Variants in PPFIBP2 observed in about 807,000 individuals in gnomAD.
PPFIBP2 encodes liprin-beta-2.
PPFIBP2 carries 118 observed loss-of-function variants against 118.3 expected under a neutral mutation model. That is an observed-to-expected ratio of 1.00 (90% CI 0.86 to 1.16). PPFIBP2 has a LOEUF of 1.16. PPFIBP2 is among the 50% of genes most tolerant of loss of function. The pLI, the probability that PPFIBP2 is intolerant of heterozygous loss-of-function variation, is 0.00. For missense variants in PPFIBP2, 1,195 were observed against 1,073.1 expected (o/e 1.11, Z -1.59); for synonymous variants, 414 against 397.4 (o/e 1.04, Z -0.50).
chr11:7,516,057 C>T lies in PPFIBP2; in HGVS notation c.-37+1936C>T, dbSNP rs143658498. Reference sequence around the variant, plus strand: ...TTAGAGTAGCAGTTTGCAAACCTGGCTATGCCTCATAATCGCCTGGGGAGT... The same window carrying T: ...TTAGAGTAGCAGTTTGCAAACCTGGTTATGCCTCATAATCGCCTGGGGAGT... On this transcript the variant is annotated intron_variant, in intron 1 of 23. Coordinates refer to ENST00000299492, the MANE Select transcript of PPFIBP2 (RefSeq NM_003621.5). Among the ~76,000 whole-genome samples, 714 of 152,332 alleles carry T rather than the reference C, an allele frequency of 4.7e-3. 4 individuals carry two copies. The highest frequency in any genetic ancestry group is 0.031 in the Middle Eastern group (9 of 294).
the PPFIBP2 span, among the ~76,000 whole-genome samples, chr11:7,663,406 T>A: frequency 1.3e-4 from 20 of 151,812 alleles, no homozygotes; most frequent in South Asian, 8.3e-4. Context: ...AATACCCTGC[T>A]GTGTGAGGTG....
At position 7,601,872 on chromosome 11, in the gene PPFIBP2, T is replaced by A. The variant is rs528258576; in HGVS notation, c.486+4199T>A. ...ACTTTGGGAGGCCGAGGTGGATGGA[T>A]AACCCGAGGTCAGGAGTTCGAGAAC... On this transcript the variant is annotated intron_variant, in intron 5 of 23. Transcript: ENST00000299492. Among the ~76,000 whole-genome samples, 6 of 151,972 alleles carry A rather than the reference T, an allele frequency of 3.9e-5. No individual in the cohort carries two copies. In the South Asian group the frequency reaches 1.3e-3, roughly 32 times the overall value.
intron 6 of PPFIBP2, among the ~76,000 whole-genome samples, chr11:7,617,880 CTCTA>C (rs1848857008): frequency 6.6e-6 from 1 of 151,808 alleles, no homozygotes; most frequent in South Asian, 2.1e-4. Flanking sequence ...CCATGTGGGG[CTCTA>C]TCTGACTGGG....
chr11:7,555,379 A>G (rs1322384777), intron 2 of PPFIBP2, among the ~76,000 whole-genome samples: 1 of 152,204 alleles, frequency 6.6e-6, no homozygotes, highest in Non-Finnish European at 1.5e-5. Flanking sequence ...GTTTGTAAAA[A>G]GAAAACAACA....
At chr11:7,627,454 C>CTT (rs60052463) in intron 8 of PPFIBP2, among the ~76,000 whole-genome samples, 24 of 147,592 alleles carry the variant, frequency 1.6e-4, no homozygotes, top group African/African-American at 4.7e-4. Context: ...TTCCCTTGTA[C>CTT]TTTTTTTTTT....
At chr11:7,628,436 A>C in intron 9 of PPFIBP2, 90 bp downstream of exon 9, 1 of 1,211,928 alleles carries the variant, frequency 8.3e-7, no homozygotes, top group South Asian at 1.4e-5. Flanking sequence ...TCTGGACAGG[A>C]CCATGCTTAT....
intron 3 of PPFIBP2, among the ~76,000 whole-genome samples, chr11:7,585,203 G>A (rs1036635968): frequency 2.0e-5 from 3 of 152,176 alleles, no homozygotes; most frequent in Admixed American, 6.5e-5. Flanking sequence ...TGAAGGAAAT[G>A]TAACTCTTTA....
chr11:7,555,867 G>A (rs746217238), intron 2 of PPFIBP2, among the ~76,000 whole-genome samples: 2 of 152,206 alleles, frequency 1.3e-5, no homozygotes, highest in Non-Finnish European at 2.9e-5. Context: ...TGTAGGTATA[G>A]GAACTGAGCT....
Position 7,611,391 on chromosome 11 carries a change from C to T in PPFIBP2, c.618+969C>T, listed in dbSNP as rs547308352. On this transcript the variant is annotated intron_variant, in intron 6 of 23. Coordinates refer to ENST00000299492, the MANE Select transcript of PPFIBP2 (RefSeq NM_003621.5). Reference sequence around the variant, plus strand: ...GGATATTGTTCCCTTCTGATAAGTGCCAGCATTAGTGCATACTGACATCTG... The same window carrying T: ...GGATATTGTTCCCTTCTGATAAGTGTCAGCATTAGTGCATACTGACATCTG... Among the ~76,000 whole-genome samples, 18 of 152,336 alleles carry T rather than the reference C, an allele frequency of 1.2e-4. No homozygotes were observed. In the South Asian group the frequency reaches 3.7e-3, roughly 32 times the overall value.
intron 6 of PPFIBP2, among the ~76,000 whole-genome samples, chr11:7,615,187 A>G (rs1464156121): frequency 2.0e-5 from 3 of 152,134 alleles, no homozygotes; most frequent in Non-Finnish European, 4.4e-5. Context: ...ACATACAAAA[A>G]TTAGCCAGGC....
chr11:7,525,507 C>CA, intron 1 of PPFIBP2, among the ~76,000 whole-genome samples: 1 of 152,110 alleles, frequency 6.6e-6, no homozygotes, highest in East Asian at 1.9e-4. Context: ...CCAGGTATGA[C>CA]ACAGAAAGGG....
chr11:7,601,586 C>A (rs914602179), intron 5 of PPFIBP2, among the ~76,000 whole-genome samples: 1 of 152,126 alleles, frequency 6.6e-6, no homozygotes, highest in Non-Finnish European at 1.5e-5. Flanking sequence ...TCAGGACTGC[C>A]TATGGAAGCA....
In PPFIBP2 at chr11:7,610,275, C is replaced by T. The variant is rs760984046; in HGVS notation, c.487-16C>T. 1.9e-6 allele frequency: 3 copies of T among 1,612,154 alleles called. No individual in the cohort carries two copies. Among genetic ancestry groups the T allele is most frequent in the Non-Finnish European group, 2.5e-6 (3 of 1,178,218 alleles). On this transcript the variant is annotated splice_polypyrimidine_tract_variant and intron_variant, in intron 5 of 23. Coordinates refer to ENST00000299492, the MANE Select transcript of PPFIBP2 (RefSeq NM_003621.5). Reference sequence around the variant, plus strand: ...CCATAGTGGTTTCTGATTTCGAGATCTGTTTTTGCTTGCAGGAGCTGCTAA... The same window carrying T: ...CCATAGTGGTTTCTGATTTCGAGATTTGTTTTTGCTTGCAGGAGCTGCTAA...
At chr11:7,632,721 C>A in intron 11 of PPFIBP2, 146 bp from the exon 12 acceptor site, 2 of 620,648 alleles carry the variant, frequency 3.2e-6, no homozygotes, top group South Asian at 3.5e-5. Flanking sequence ...CTTGAAAGAG[C>A]AAGGCATCTA....
intron 19 of PPFIBP2, 64 bp downstream of exon 19, chr11:7,648,975 C>T: frequency 6.8e-7 from 1 of 1,462,144 alleles, no homozygotes; most frequent in Non-Finnish European, 9.6e-7. Flanking sequence ...AAAGAATTTT[C>T]CTGTTAAATG....
intron 6 of PPFIBP2, 106 bp downstream of exon 6, chr11:7,610,528 A>C: frequency 6.9e-7 from 1 of 1,452,384 alleles, no homozygotes; most frequent in South Asian, 1.2e-5. Context: ...TGGGTGCCAG[A>C]AATATCTATA....
chr11:7,656,066 T>C (rs1854656963), downstream of PPFIBP2, among the ~76,000 whole-genome samples: 1 of 152,220 alleles, frequency 6.6e-6, no homozygotes, highest in Non-Finnish European at 1.5e-5. Context: ...TCACTAGCTC[T>C]GTGACCTTGG....
chr11:7,547,954 C>T (rs1170904027), intron 1 of PPFIBP2, among the ~76,000 whole-genome samples: 1 of 152,124 alleles, frequency 6.6e-6, no homozygotes, highest in Non-Finnish European at 1.5e-5. Context: ...CCTGCACCTA[C>T]CTATTTTTGT....
In PPFIBP2 at chr11:7,648,493, T is replaced by C; in HGVS notation, c.1753T>C (p.Ser585Pro). The C allele has an allele frequency of 6.2e-7, 1 of 1,614,098 alleles. No homozygotes were observed. Among genetic ancestry groups the C allele is most frequent in the Non-Finnish European group, 8.5e-7 (1 of 1,180,028 alleles). Residue 585 changes from serine to proline, a missense_variant, in exon 18 of 24, where the codon TCT becomes CCT. By Grantham distance (74) the Ser-to-Pro change is moderately conservative (BLOSUM62 -1). Coordinates refer to ENST00000299492, the MANE Select transcript of PPFIBP2 (RefSeq NM_003621.5). ...GATCTTTGCCAGGCAGTGGGTATCT[T>C]CTGGCCACACCTTATTGACAGCCAC... The part of the protein sequence containing the change: ...YVIFARQWVS[S>P]GHTLLTATPQ...
Sources: gnomAD v4.1 joint callset for allele counts (sites outside exome capture counted in the v4.1 genomes callset) on GRCh38, gnomAD v4.1.1 for gene constraint, MANE v1.5 for transcripts, NCBI Gene and HGNC (gene_info 2026-07-23, HGNC 2026-07-21) for gene names.